Variants in RFWD3 observed in about 807,000 individuals in gnomAD.
RFWD3 encodes ring finger and WD repeat domain 3.
Under a neutral mutation model 87.7 loss-of-function variants are expected in RFWD3, and 65 were observed. The ratio of observed to expected loss-of-function variants is 0.74; its 90% CI spans 0.61 to 0.91. RFWD3 has a LOEUF of 0.91. Among genes scored for constraint, RFWD3 ranks in the 40% least tolerant of loss-of-function variants. The pLI is 0.00. For synonymous variants in RFWD3, 433 were observed against 352.8 expected, an observed-to-expected ratio of 1.23 and a Z score of -2.55; for missense variants, 1,078 against 938.5, an observed-to-expected ratio of 1.15 and a Z score of -1.94.
intron 2 of RFWD3, among the ~76,000 whole-genome samples, chr16:74,659,851 T>C (rs564225120): frequency 3.2e-4 from 48 of 152,354 alleles, no homozygotes; most frequent in Non-Finnish European, 6.5e-4. Context: ...GGGTAATAGA[T>C]GACCTAGCTA....
Position 74,638,833 on chromosome 16 carries a change from GTTAGGTGA to G in RFWD3, c.1080-871_1080-864del, listed in dbSNP as rs969807129. 1.5e-4 allele frequency among the ~76,000 whole-genome samples: 23 copies of G among 152,276 alleles called. No homozygotes were observed. In the East Asian group the frequency reaches 4.2e-3, roughly 28 times the overall value. ...GTGGGCATGTTCTGAGAAACATGTT[GTTAGGTGA>G]TTTCGTCATGTAAACATTACAGAAT... On this transcript the variant is annotated intron_variant, in intron 6 of 12. Coordinates refer to ENST00000361070, the MANE Select transcript of RFWD3 (RefSeq NM_018124.4).
In RFWD3 at chr16:74,643,473, A is replaced by G. The variant is rs545301100; in HGVS notation, c.1079+889T>C. 1.2e-3 allele frequency among the ~76,000 whole-genome samples: 176 copies of G among 152,230 alleles called. 1 individual carries two copies. Among genetic ancestry groups the G allele is most frequent in the Non-Finnish European group, 2.2e-3 (150 of 68,010 alleles). ...AGTAAATCTTGGTACACAGCCTTCA[A>G]TGTTTCTTTAGAATGCCTGAACAAT... On this transcript the variant is annotated intron_variant, in intron 6 of 12. Coordinates refer to ENST00000361070, the MANE Select transcript of RFWD3 (RefSeq NM_018124.4).
chr16:74,644,048 A>G (rs1959904676), intron 6 of RFWD3: 4 of 396,180 alleles, frequency 1.0e-5, no homozygotes, highest in Non-Finnish European at 1.9e-5. Context: ...AGCTTCACTT[A>G]TGAGTTTTCT....
chr16:74,627,763 G>C (rs768051478), intron 11 of RFWD3, among the ~76,000 whole-genome samples: 1 of 152,184 alleles, frequency 6.6e-6, no homozygotes, highest in African/African-American at 2.4e-5. Context: ...GGAGTATCCT[G>C]TGAAAGGCAA....
intron 10 of RFWD3, 88 bp from the exon 11 acceptor site, chr16:74,628,754 C>A: frequency 8.5e-7 from 1 of 1,170,200 alleles, no homozygotes; most frequent in Non-Finnish European, 1.3e-6. Flanking sequence ...ACATTCCCAC[C>A]TCTGCAGAGG....
chr16:74,645,821 C>T (rs933249987), intron 4 of RFWD3, among the ~76,000 whole-genome samples: 3 of 140,036 alleles, frequency 2.1e-5, no homozygotes, highest in Non-Finnish European at 1.5e-5. Flanking sequence ...GGCAGAATCT[C>T]GGCTCACTGC....
chr16:74,656,308 CAAAAAAAAAAAAA>C (rs71158534), intron 2 of RFWD3, among the ~76,000 whole-genome samples: 1 of 64,222 alleles, frequency 1.6e-5, no homozygotes, highest in Non-Finnish European at 2.7e-5. Flanking sequence ...CTTGTCTTGC[CAAAAAAAAAAAAA>C]AAAAAAAAAA....
intron 4 of RFWD3, 102 bp downstream of exon 4, chr16:74,649,030 T>TA (rs1383212225): frequency 1.1e-5 from 7 of 653,244 alleles, no homozygotes; most frequent in Non-Finnish European, 1.7e-5. Context: ...TGCAGTGAGT[T>TA]ATGACTGCAC....
chr16:74,645,952 G>A (rs1960105444), intron 4 of RFWD3, among the ~76,000 whole-genome samples: 1 of 150,716 alleles, frequency 6.6e-6, no homozygotes, highest in Non-Finnish European at 1.5e-5. Context: ...GTTTCACCGT[G>A]TTAGTTAGGA....
chr16:74,636,397 G>C lies in RFWD3; in HGVS notation c.1375C>G (p.Leu459Val), dbSNP rs748180724. The C allele has an allele frequency of 5.0e-6, 8 of 1,614,084 alleles. No homozygotes were observed. The highest frequency in any genetic ancestry group is 6.8e-6 in the Non-Finnish European group (8 of 1,180,046). The stretch of plus-strand genomic sequence containing the variant: ...GGCTGTGATATCACCAGGCAGCTCA[G>C]AGCATCACAGTATGCCATGATCCGG... ...NCRIMAYCDA[L>V]SCLVISQPSP... The change falls in exon 8 of 13, where the codon CTG becomes GTG. Residue 459 changes from leucine to valine, a missense_variant. By Grantham distance (32) the Leu-to-Val change is conservative (BLOSUM62 1). Transcript: ENST00000361070.
intron 6 of RFWD3, among the ~76,000 whole-genome samples, chr16:74,641,799 G>T (rs532564551): frequency 1.3e-5 from 2 of 151,218 alleles, no homozygotes; most frequent in South Asian, 4.2e-4. Context: ...GGTGAAAGGC[G>T]CCTGTAATCC....
chr16:74,662,401 A>T (rs549034755), intron 1 of RFWD3, among the ~76,000 whole-genome samples: 1 of 152,334 alleles, frequency 6.6e-6, no homozygotes, highest in East Asian at 1.9e-4. Context: ...TTATGCAGAC[A>T]AGACACCCTA....
At position 74,623,087 on chromosome 16, in the gene RFWD3, AAG is replaced by A. The variant is rs1276799819; in HGVS notation, c.*839_*840del. 6.6e-6 allele frequency: 1 copy of A among 152,260 alleles called. No individual in the cohort carries two copies. Among genetic ancestry groups the A allele is most frequent in the East Asian group, 1.9e-4 (1 of 5,202 alleles). 9.4% of individuals were successfully genotyped at this position (152,260 alleles called of 1,614,324 possible). ...GACCTATCACTCATCTTTTCCTGGC[AAG>A]AGATAGTGTTCTTCAAAGCACTAGC... On this transcript the variant is annotated 3_prime_UTR_variant, in exon 13 of 13. Coordinates refer to ENST00000361070, the MANE Select transcript of RFWD3 (RefSeq NM_018124.4).
chr16:74,627,562 C>T (rs1958973905), intron 11 of RFWD3, among the ~76,000 whole-genome samples: 1 of 152,208 alleles, frequency 6.6e-6, no homozygotes, highest in Non-Finnish European at 1.5e-5. Flanking sequence ...TTGTGTCTCA[C>T]CTGACCAACA....
Position 74,632,526 on chromosome 16 carries a change from G to C in RFWD3, c.1574C>G (p.Thr525Ser). The change falls in exon 9 of 13, where the codon ACC becomes AGC. Residue 525 changes from threonine (T) to serine (S), a missense_variant. By Grantham distance (58) the Thr-to-Ser change is moderately conservative. Transcript: ENST00000361070. ...SASLDNTIKLTSLETNTVVQT... is the reference protein window; with the variant it reads ...SASLDNTIKLSSLETNTVVQT... Reference sequence around the variant, plus strand: ...CCTACTTCCCCAAATCACTCACCTGGTCAGTTTAATAGTGTTGTCTAGGGA... The same window carrying C: ...CCTACTTCCCCAAATCACTCACCTGCTCAGTTTAATAGTGTTGTCTAGGGA... 1 of 1,613,704 alleles carries C rather than the reference G, an allele frequency of 6.2e-7. No homozygotes were observed. Among genetic ancestry groups the C allele is most frequent in the African/African-American group, 1.3e-5 (1 of 74,992 alleles).
chr16:74,632,010 TAC>T (rs543941706), intron 9 of RFWD3, among the ~76,000 whole-genome samples: 123 of 152,270 alleles, frequency 8.1e-4, no homozygotes, highest in African/African-American at 2.8e-3. Flanking sequence ...ACAGGAAACA[TAC>T]AGTTTTGTAA....
rs768531617 is a variant in RFWD3 at position 74,661,416 on chromosome 16, C to T, written c.34G>A (p.Val12Met). ...AHEAMEYDVQ[V>M]QLNHAEQQPA... ...TGTTGTTCGGCATGATTTAACTGCA[C>T]CTGAACATCATATTCCATTGCTTCA... The change falls in exon 2 of 13, where the codon GTG (valine) becomes ATG (methionine). Residue 12 changes from valine (V) to methionine (M), a missense_variant. Physicochemically the swap from Val to Met is conservative, Grantham distance 21. Transcript: ENST00000361070. 5 of 1,613,090 alleles carry T rather than the reference C, an allele frequency of 3.1e-6. No homozygotes were observed. Among genetic ancestry groups the T allele is most frequent in the South Asian group, 2.2e-5 (2 of 91,008 alleles).
At chr16:74,666,493 G>T (rs1215391484) in intron 1 of RFWD3, 2 of 152,202 alleles carry the variant, frequency 1.3e-5, no homozygotes, top group African/African-American at 4.8e-5. Context: ...TCCCACCCCG[G>T]CCAGGGCAGG....
intron 2 of RFWD3, among the ~76,000 whole-genome samples, chr16:74,653,656 A>G (rs1960743483): frequency 6.6e-6 from 1 of 152,230 alleles, no homozygotes; most frequent in African/African-American, 2.4e-5. Flanking sequence ...CTATTAAAAA[A>G]AAATTTAAAA....
Sources: allele counts gnomAD v4.1 joint callset (sites outside exome capture counted in the v4.1 genomes callset), GRCh38; gene constraint gnomAD v4.1.1; transcripts MANE v1.5; gene names NCBI Gene and HGNC (gene_info 2026-07-23, HGNC 2026-07-21).